ZNF423: variants seen among roughly 807,000 people sequenced by gnomAD.
ZNF423 encodes zinc finger protein 423, also known as Ebf-associated zinc finger protein.
Under a neutral mutation model 95.8 loss-of-function variants are expected in ZNF423, and 12 were observed. That is an observed-to-expected ratio of 0.13 (90% CI 0.08 to 0.20). ZNF423 has a LOEUF of 0.20. Ranked by LOEUF, ZNF423 falls within the 10% of genes least tolerant of loss-of-function variation. The pLI is 1.00. For synonymous variants in ZNF423, 749 were observed against 711.9 expected, an observed-to-expected ratio of 1.05 and a Z score of -0.83; for missense variants, 1,316 against 1,737.1, an observed-to-expected ratio of 0.76 and a Z score of 4.31.
At chr16:49,793,192 G>T (rs1205236486) in intron 1 of ZNF423, among the ~76,000 whole-genome samples, 3 of 137,002 alleles carry the variant, frequency 2.2e-5, no homozygotes, top group Non-Finnish European at 4.8e-5. Flanking sequence ...TGTCCAGACT[G>T]GATCTCCAGC....
intron 5 of ZNF423, among the ~76,000 whole-genome samples, chr16:49,594,077 C>G (rs1175943627): frequency 6.6e-6 from 1 of 152,106 alleles, no homozygotes; most frequent in Non-Finnish European, 1.5e-5. Context: ...GAGAACCATC[C>G]CCTCCCCTCA....
rs145101991 is a variant in ZNF423, at chr16:49,636,547, G to A, written c.2629C>T (p.Pro877Ser). ...TCCTCGCTGGCCTCATGGCTGTTAG[G>A]TGCCTCAGGGTTCTTAAGCAGCATG... ...QGMLLKNPEA[P>S]NSHEASEDDV... The change falls in exon 4 of 8, where the codon CCT becomes TCT. Residue 877 changes from proline to serine, a missense_variant. Around this residue, in one of 6 missense-constraint regions of ZNF423, gnomAD observed 620 missense variants for 775.6 expected, o/e 0.80. Coordinates refer to ENST00000563137, the MANE Select transcript of ZNF423 (RefSeq NM_001379286.1). This position sits in a 1 kb window ranked among gnomAD's most constrained non-coding sequence, Gnocchi z 8.6. The A allele has an allele frequency of 2.5e-5, 41 of 1,613,906 alleles. No individual in the cohort carries two copies. The African/African-American group carries it at 5.1e-4, about 20-fold the overall frequency.
At chr16:49,666,573 C>T (rs1313555885) in intron 3 of ZNF423, among the ~76,000 whole-genome samples, 1 of 152,224 alleles carries the variant, frequency 6.6e-6, no homozygotes, top group Non-Finnish European at 1.5e-5. Flanking sequence ...ATTACATATG[C>T]ATGGTTATAC....
At chr16:49,838,577 G>A (rs2035146129) in intron 1 of ZNF423, among the ~76,000 whole-genome samples, 1 of 152,058 alleles carries the variant, frequency 6.6e-6, no homozygotes, top group Admixed American at 6.5e-5. Context: ...CAGGGCTCCC[G>A]AGGCGCACAT....
chr16:49,808,947 C>A (rs1273354471), intron 1 of ZNF423, among the ~76,000 whole-genome samples: 2 of 152,134 alleles, frequency 1.3e-5, no homozygotes, highest in East Asian at 3.9e-4. Flanking sequence ...AAAGGTTCAG[C>A]AATGGGAAAG....
At chr16:49,683,341 A>G (rs2031441520) in intron 3 of ZNF423, among the ~76,000 whole-genome samples, 2 of 152,202 alleles carry the variant, frequency 1.3e-5, no homozygotes, top group Admixed American at 6.5e-5. Context: ...AAATAACTAA[A>G]TACAAATATA....
chr16:49,632,607 T>G (rs1972543299), intron 4 of ZNF423, among the ~76,000 whole-genome samples: 1 of 152,002 alleles, frequency 6.6e-6, no homozygotes, highest in Non-Finnish European at 1.5e-5. Flanking sequence ...CCCCTTGAGT[T>G]TCAGTCCCTG....
At chr16:49,548,238 A>G (rs759525382) in intron 5 of ZNF423, among the ~76,000 whole-genome samples, 2 of 152,218 alleles carry the variant, frequency 1.3e-5, no homozygotes, top group East Asian at 3.8e-4. Context: ...ATGCTTTAAA[A>G]TGTCACTTGC....
At chr16:49,598,596 C>A (rs552474923) in intron 5 of ZNF423, among the ~76,000 whole-genome samples, 170 of 152,294 alleles carry the variant, frequency 1.1e-3, no homozygotes, top group African/African-American at 4.1e-3. Context: ...GCACTGGGGA[C>A]AAAACTGGGT....
upstream of ZNF423, among the ~76,000 whole-genome samples, chr16:49,856,992 C>A (rs1185397093): frequency 5.4e-5 from 8 of 147,176 alleles, no homozygotes; most frequent in African/African-American, 2.0e-4. Context: ...CTCCTCCGCG[C>A]TCCAGCCGGC....
At chr16:49,559,348 C>T (rs1969943225) in intron 5 of ZNF423, among the ~76,000 whole-genome samples, 1 of 152,230 alleles carries the variant, frequency 6.6e-6, no homozygotes, top group African/African-American at 2.4e-5. Context: ...AAAGCCTTCT[C>T]TGCTAATGAG....
chr16:49,493,451 T>C (rs562440707), intron 7 of ZNF423, among the ~76,000 whole-genome samples: 2 of 152,304 alleles, frequency 1.3e-5, no homozygotes, highest in Non-Finnish European at 2.9e-5. Flanking sequence ...GTCCTGACCA[T>C]ACGCCTGGGC....
At position 49,622,469 on chromosome 16, in the gene ZNF423, G is replaced by A. The variant is rs910608561; in HGVS notation, c.3601+3701C>T. Among the ~76,000 whole-genome samples the A allele has an allele frequency of 3.3e-5, 5 of 151,754 alleles. 1 individual carries two copies. The South Asian group carries it at 8.4e-4, about 25-fold the overall frequency. ...CTATAGGCAGTGGCTCATCACCCTC[G>A]CAGCCTGGCAGAAACCCATTGTTCC... On this transcript the variant is annotated intron_variant, in intron 5 of 7. Transcript: ENST00000563137.
At chr16:49,621,224 CT>C (rs1401162758) in intron 5 of ZNF423, among the ~76,000 whole-genome samples, 4 of 152,166 alleles carry the variant, frequency 2.6e-5, no homozygotes, top group Non-Finnish European at 5.9e-5. Flanking sequence ...TTTCATGTGC[CT>C]TCTGGGGGAG....
At chr16:49,674,833 A>T (rs1441778611) in intron 3 of ZNF423, among the ~76,000 whole-genome samples, 1 of 152,180 alleles carries the variant, frequency 6.6e-6, no homozygotes, top group East Asian at 1.9e-4. Flanking sequence ...GTGAGCTCCC[A>T]GTGGCCGGTT....
intron 1 of ZNF423, chr16:49,854,445 G>A: frequency 1.0e-6 from 1 of 985,450 alleles, no homozygotes; most frequent in South Asian, 4.7e-5. Flanking sequence ...AAGGGAGCGG[G>A]GCCCCAGCGC....
chr16:49,525,284 A>G, intron 6 of ZNF423, 79 bp downstream of exon 6: 2 of 1,575,056 alleles, frequency 1.3e-6, no homozygotes, highest in Non-Finnish European at 1.7e-6. Flanking sequence ...GGAAGAGCAC[A>G]CACTGGGATC....
chr16:49,853,669 G>T, intron 1 of ZNF423: 2 of 985,268 alleles, frequency 2.0e-6, no homozygotes, highest in Non-Finnish European at 2.4e-6. Context: ...TTTGAGAGAG[G>T]CACTCACTAA....
chr16:49,856,915 G>A (rs1375242982), upstream of ZNF423, among the ~76,000 whole-genome samples: 1 of 86,560 alleles, frequency 1.2e-5, no homozygotes, highest in African/African-American at 6.6e-5. Flanking sequence ...AGGAGGACGA[G>A]CAGGCGGCGG....
Sources: gnomAD v4.1 joint callset for allele counts (sites outside exome capture counted in the v4.1 genomes callset) on GRCh38, gnomAD v4.1.1 for gene constraint, gnomAD v4.1.1 regional missense constraint, Gnocchi (gnomAD v3.1) non-coding constraint, MANE v1.5 for transcripts, NCBI Gene and HGNC (gene_info 2026-07-23, HGNC 2026-07-21) for gene names.